Variants in DGKB observed in about 807,000 individuals in gnomAD.
DGKB encodes diacylglycerol kinase beta.
In DGKB, 67 loss-of-function variants were observed where a neutral mutation model predicts 114.3. The ratio of observed to expected loss-of-function variants is 0.59; its 90% confidence interval spans 0.48 to 0.72. The LOEUF is 0.72. DGKB is among the 30% of genes least tolerant of loss of function. The pLI is 0.00. For missense variants in DGKB, 907 were observed against 975.2 expected (o/e 0.93, Z 0.93); for synonymous variants, 398 against 323.1 (o/e 1.23, Z -2.49).
rs1204689220 is a variant in DGKB, at chr7:14,567,256, TTA to T, written c.1770+6954_1770+6955del. ...TAATTATATTATATATATTATATATTTATATATTATATATATAATTATATTAT... is the reference window on the plus strand; with the variant it reads ...TAATTATATTATATATATTATATATTTATATTATATATATAATTATATTAT... On this transcript the variant is annotated intron_variant, in intron 20 of 25. Transcript: ENST00000402815. Among the ~76,000 whole-genome samples the T allele has an allele frequency of 1.6e-3, 69 of 43,234 alleles. 2 individuals are homozygous for T. The highest frequency in any genetic ancestry group is 6.6e-3 in the African/African-American group (64 of 9,710). 28.4% of individuals were successfully genotyped at this position (43,234 alleles called of 152,430 possible).
intron 21 of DGKB, among the ~76,000 whole-genome samples, chr7:14,429,122 A>G (rs1471772306): frequency 6.6e-6 from 1 of 152,118 alleles, no homozygotes; most frequent in African/African-American, 2.4e-5. Flanking sequence ...GATTAGACAT[A>G]TTTTTGTTAC....
chr7:14,379,486 A>G (rs975785638), intron 21 of DGKB, among the ~76,000 whole-genome samples: 8 of 149,416 alleles, frequency 5.4e-5, no homozygotes, highest in Admixed American at 1.4e-4. Context: ...GAGAGTGGGG[A>G]GCGCTCTGAC....
At chr7:14,170,082 C>T (rs956193866) in intron 25 of DGKB, among the ~76,000 whole-genome samples, 13 of 142,992 alleles carry the variant, frequency 9.1e-5, no homozygotes, top group African/African-American at 2.8e-4. Flanking sequence ...TGCGGTGAGC[C>T]GAGATCACAC....
chr7:14,201,590 G>A (rs548475864), intron 23 of DGKB, among the ~76,000 whole-genome samples: 4 of 151,896 alleles, frequency 2.6e-5, no homozygotes, highest in Non-Finnish European at 5.9e-5. Flanking sequence ...TGGTAGACAA[G>A]CTGATGATGA....
At chr7:14,311,147 C>T (rs892375198) in intron 23 of DGKB, among the ~76,000 whole-genome samples, 1 of 152,024 alleles carries the variant, frequency 6.6e-6, no homozygotes, top group Admixed American at 6.6e-5. Context: ...TGAAACAAAA[C>T]AAAAATACTG....
At chr7:14,361,064 T>A (rs1815641539) in intron 21 of DGKB, among the ~76,000 whole-genome samples, 1 of 152,068 alleles carries the variant, frequency 6.6e-6, no homozygotes, top group African/African-American at 2.4e-5. Context: ...CTACCACAGC[T>A]TCACAACTTA....
chr7:14,590,625 C>G (rs1397087193), intron 17 of DGKB, among the ~76,000 whole-genome samples: 1 of 152,062 alleles, frequency 6.6e-6, no homozygotes, highest in Non-Finnish European at 1.5e-5. Flanking sequence ...TCCATTCAAT[C>G]CATGCAGTTT....
chr7:14,707,029 C>A (rs1037570427), intron 6 of DGKB, among the ~76,000 whole-genome samples: 1 of 150,734 alleles, frequency 6.6e-6, no homozygotes, highest in African/African-American at 2.5e-5. Flanking sequence ...AATCCAGGAG[C>A]TGGTTTTTTG....
At position 14,222,145 on chromosome 7, in the gene DGKB, C is replaced by A. The variant is rs1000672050; in HGVS notation, c.2123-43994G>T. Among the ~76,000 whole-genome samples, 6 of 150,670 alleles carry A rather than the reference C, an allele frequency of 4.0e-5. No individual in the cohort carries two copies. The Admixed American group carries it at 4.0e-4, about 10-fold the overall frequency. On this transcript the variant is annotated intron_variant, in intron 23 of 25. Transcript: ENST00000402815. ...TTATATTTTTTTCACTTTCCTATTT[C>A]ACTAATTTCTGCCTTAATCTTTGTT...
intron 21 of DGKB, among the ~76,000 whole-genome samples, chr7:14,427,313 T>A (rs1827730577): frequency 6.6e-6 from 1 of 152,136 alleles, no homozygotes; most frequent in African/African-American, 2.4e-5. Context: ...TTCATCTCCA[T>A]CAGCCTCAGC....
intron 6 of DGKB, among the ~76,000 whole-genome samples, chr7:14,712,838 A>G (rs983889713): frequency 3.3e-5 from 5 of 152,062 alleles, no homozygotes; most frequent in African/African-American, 1.2e-4. Flanking sequence ...GAATTTTCAA[A>G]TTATATAGTA....
intron 1 of DGKB, among the ~76,000 whole-genome samples, chr7:14,957,756 T>C (rs1359790972): frequency 2.0e-5 from 3 of 152,080 alleles, no homozygotes; most frequent in African/African-American, 7.2e-5. Context: ...ACTTTTTTCA[T>C]GGTTTTTTCT....
chr7:14,387,881 C>CT (rs11448628), intron 21 of DGKB, among the ~76,000 whole-genome samples: 4,667 of 117,866 alleles, frequency 0.04, 233 homozygotes, highest in African/African-American at 0.11. Context: ...GTGTCCTTTT[C>CT]TTTTTTTTTT....
intron 2 of DGKB, among the ~76,000 whole-genome samples, chr7:14,784,725 G>T (rs186894589): frequency 6.6e-6 from 1 of 151,680 alleles, no homozygotes; most frequent in Admixed American, 6.6e-5. Flanking sequence ...TTTAGTCATT[G>T]TTAGAAATTA....
At position 14,335,725 on chromosome 7, in the gene DGKB, T is replaced by C. The variant is rs950305398; in HGVS notation, c.2122+2790A>G. Among the ~76,000 whole-genome samples, 13 of 152,278 alleles carry C rather than the reference T, an allele frequency of 8.5e-5. No homozygotes were observed. In the South Asian group the frequency reaches 1.9e-3, roughly 22 times the overall value. The stretch of plus-strand genomic sequence containing the variant: ...TTGAAATACTCACATTTAATACTAT[T>C]GCTGCTTTGTTGTGTTTTTGTTTTG... On this transcript the variant is annotated intron_variant, in intron 23 of 25. Coordinates refer to ENST00000402815, the MANE Select transcript of DGKB (RefSeq NM_001350709.2).
chr7:14,742,485 T>A (rs1291309488), intron 4 of DGKB, among the ~76,000 whole-genome samples: 1 of 152,200 alleles, frequency 6.6e-6, no homozygotes, highest in Non-Finnish European at 1.5e-5. Flanking sequence ...TTGGTAAAAT[T>A]CAAATGTCAT....
chr7:14,642,965 T>C (rs939842660), intron 13 of DGKB, among the ~76,000 whole-genome samples: 1 of 152,194 alleles, frequency 6.6e-6, no homozygotes, highest in Non-Finnish European at 1.5e-5. Context: ...TGGCTATATG[T>C]TTAAGATTTC....
chr7:14,512,035 T>A (rs1788053749), intron 20 of DGKB, among the ~76,000 whole-genome samples: 1 of 150,608 alleles, frequency 6.6e-6, no homozygotes, highest in South Asian at 2.1e-4. Context: ...TGAAAATATT[T>A]GAAATATTGC....
intron 21 of DGKB, among the ~76,000 whole-genome samples, chr7:14,442,353 T>G (rs923008468): frequency 6.6e-6 from 1 of 152,078 alleles, no homozygotes; most frequent in African/African-American, 2.4e-5. Context: ...ATTTTAATTC[T>G]TGATATTCTT....
Sources: allele counts gnomAD v4.1 joint callset (sites outside exome capture counted in the v4.1 genomes callset), GRCh38; gene constraint gnomAD v4.1.1; transcripts MANE v1.5; gene names NCBI Gene and HGNC (gene_info 2026-07-23, HGNC 2026-07-21).